The following CCT4 variants were observed in gnomAD, a reference collection of about 807,000 sequenced individuals.
The protein encoded by CCT4 is chaperonin containing TCP1 subunit 4.
Under a neutral mutation model 62.5 loss-of-function variants are expected in CCT4, and 17 were observed. That is an observed-to-expected ratio of 0.27 (90% confidence interval 0.19 to 0.41). The LOEUF is 0.41. Ranked by LOEUF, CCT4 falls within the 10% of genes least tolerant of loss-of-function variation. The pLI, the probability that CCT4 is intolerant of heterozygous loss-of-function variation, is 1.00. For synonymous variants in CCT4, 250 were observed against 229.9 expected, an observed-to-expected ratio of 1.09 and a Z score of -0.79; for missense variants, 592 against 659.2, an observed-to-expected ratio of 0.90 and a Z score of 1.12.
intron 13 of CCT4, 46 bp downstream of exon 13, chr2:61,869,394 T>C (rs1248846164): frequency 6.0e-6 from 6 of 1,001,576 alleles, no homozygotes; most frequent in South Asian, 2.6e-5. Context: ...AAAAAATATA[T>C]GCCTTTTTGA....
At chr2:61,878,839 T>G (rs574640277) in intron 5 of CCT4, 30 bp downstream of exon 5, 2 of 1,548,444 alleles carry the variant, frequency 1.3e-6, no homozygotes, top group Non-Finnish European at 1.8e-6. Context: ...TTTAACTAAT[T>G]TGACAAGTAT....
intron 12 of CCT4, among the ~76,000 whole-genome samples, chr2:61,870,924 AAAACAAAC>A (rs547825366): frequency 2.0e-5 from 3 of 151,900 alleles, no homozygotes; most frequent in South Asian, 2.1e-4. Flanking sequence ...CTCCAAAGAA[AAAACAAAC>A]AAACAAACAA....
At chr2:61,869,968 T>C (rs1668850702) in intron 12 of CCT4, among the ~76,000 whole-genome samples, 1 of 149,588 alleles carries the variant, frequency 6.7e-6, no homozygotes, top group South Asian at 2.1e-4. Context: ...AGCAAAATGA[T>C]CACAGTAGTT....
chr2:61,883,845 G>A (rs902318410), intron 2 of CCT4, among the ~76,000 whole-genome samples: 1 of 150,532 alleles, frequency 6.6e-6, no homozygotes, highest in Non-Finnish European at 1.5e-5. Flanking sequence ...AGAAGCACTT[G>A]CTATCTTTAA....
chr2:61,875,965 TAA>T, intron 8 of CCT4, 128 bp downstream of exon 8: 1 of 566,558 alleles, frequency 1.8e-6, no homozygotes, highest in Non-Finnish European at 3.1e-6. Context: ...TCGTTTCACC[TAA>T]GAGTTGTCTG....
In CCT4 at chr2:61,872,153, T is replaced by C; in HGVS notation, c.1420A>G (p.Ile474Val). The change falls in exon 12 of 14, where the codon ATT becomes GTT. Residue 474 changes from isoleucine (I) to valine (V), a missense_variant. Transcript: ENST00000394440. Reference sequence around the variant, plus strand: ...TTTCTTAGTTCTGTTACTGTAGAAATGGGATTCAGGCCGGCATTTTCAGCT... The same window carrying C: ...TTTCTTAGTTCTGTTACTGTAGAAACGGGATTCAGGCCGGCATTTTCAGCT... ...TLAENAGLNPISTVTELRNRH... is the reference protein window; with the variant it reads ...TLAENAGLNPVSTVTELRNRH... 1 of 1,614,056 alleles carries C rather than the reference T, an allele frequency of 6.2e-7. No homozygotes were observed. The highest frequency in any genetic ancestry group is 8.5e-7 in the Non-Finnish European group (1 of 1,179,992).
chr2:61,881,710 T>C (rs895217081), intron 3 of CCT4, among the ~76,000 whole-genome samples: 5 of 152,184 alleles, frequency 3.3e-5, no homozygotes, highest in African/African-American at 7.2e-5. Context: ...TTTCATGTAA[T>C]GTTTCATTAG....
intron 3 of CCT4, among the ~76,000 whole-genome samples, chr2:61,881,400 G>A (rs1208677442): frequency 1.3e-5 from 2 of 152,006 alleles, no homozygotes; most frequent in East Asian, 3.9e-4. Context: ...GGGATTACAG[G>A]CACGAGCCAC....
intron 12 of CCT4, among the ~76,000 whole-genome samples, chr2:61,870,481 A>C (rs184811867): frequency 9.1e-4 from 139 of 152,168 alleles, no homozygotes; most frequent in Admixed American, 1.5e-3. Flanking sequence ...TCCCTTCTTA[A>C]AATATTCCTG....
chr2:61,870,856 T>G (rs1052721117), intron 12 of CCT4, among the ~76,000 whole-genome samples: 2 of 149,174 alleles, frequency 1.3e-5, no homozygotes, highest in East Asian at 2.0e-4. Context: ...GAGGAGGAGG[T>G]TGCAGTGAGC....
intron 12 of CCT4, 147 bp from the exon 13 acceptor site, chr2:61,869,700 C>G (rs974168172): frequency 1.7e-6 from 1 of 593,956 alleles, no homozygotes; most frequent in Non-Finnish European, 3.1e-6. Context: ...AAGCTTTTCT[C>G]TACACTGTGG....
At position 61,883,474 on chromosome 2, in the gene CCT4, A is replaced by C. The variant is rs780810578; in HGVS notation, c.255T>G (p.His85Gln). ...TTACACTTACCATTCTGGCTGCTGG[A>C]TGTAATACTTGCATTTGTTTCAGAA... ...ATILKQMQVL[H>Q]PAARMLVELS... The change falls in exon 3 of 14, where the codon CAT becomes CAG. Residue 85 changes from histidine (H) to glutamine (Q), a missense_variant. This residue lies in a region of CCT4 where 522 missense variants were observed against 571.2 expected (regional missense o/e 0.91). Transcript: ENST00000394440. 6.5e-7 allele frequency: 1 copy of C among 1,541,898 alleles called. No homozygotes were observed. Among genetic ancestry groups the C allele is most frequent in the Non-Finnish European group, 8.9e-7 (1 of 1,123,342 alleles).
intron 8 of CCT4, among the ~76,000 whole-genome samples, chr2:61,874,683 G>A (rs1668960345): frequency 6.6e-6 from 1 of 151,922 alleles, no homozygotes; most frequent in African/African-American, 2.4e-5. Flanking sequence ...GGACTATGCA[G>A]AGCATTCCCC....
chr2:61,888,529 G>C lies in CCT4; in HGVS notation c.-22C>G, dbSNP rs1669316915. On this transcript the variant is annotated 5_prime_UTR_variant, in exon 1 of 14. Coordinates refer to ENST00000394440, the MANE Select transcript of CCT4 (RefSeq NM_006430.4). ...GCATGGCAAACTCCGCTGTGTCTGG[G>C]TTGGCTCGGGAAGGACGGATGGACC... is the stretch of plus-strand genomic sequence containing the variant. 1 of 1,606,572 alleles carries C rather than the reference G, an allele frequency of 6.2e-7. No homozygotes were observed. The highest frequency in any genetic ancestry group is 1.1e-5 in the South Asian group (1 of 90,676).
At chr2:61,870,617 C>CTT (rs1383994460) in intron 12 of CCT4, among the ~76,000 whole-genome samples, 1 of 152,102 alleles carries the variant, frequency 6.6e-6, no homozygotes, top group Non-Finnish European at 1.5e-5. Flanking sequence ...TCCTTAGCCT[C>CTT]TTGCTTAAAA....
In CCT4 at chr2:61,878,997, T is replaced by C. The variant is rs375148023; in HGVS notation, c.394A>G (p.Ile132Val). 6.2e-6 allele frequency: 10 copies of C among 1,604,246 alleles called. No individual in the cohort carries two copies. In the African/African-American group the frequency reaches 9.4e-5, roughly 15 times the overall value. Residue 132 changes from isoleucine to valine, a missense_variant, in exon 5 of 14, where the codon ATC (isoleucine) becomes GTC (valine). Physicochemically the swap from Ile to Val is conservative, Grantham distance 29. Transcript: ENST00000394440. ...GCCTTCTGGAATGACTCAGAAATGA[T>C]GGTTGGATGAATCCCTGTAATTTGT... ...KLLQKGIHPT[I>V]ISESFQKALE... is the part of the protein sequence containing the mutation.
chr2:61,880,850 T>C (rs992824010), intron 3 of CCT4, among the ~76,000 whole-genome samples: 5 of 151,824 alleles, frequency 3.3e-5, no homozygotes, highest in Non-Finnish European at 7.4e-5. Context: ...GGGCTATAGG[T>C]GCACACTAAC....
intron 8 of CCT4, 34 bp downstream of exon 8, chr2:61,876,061 C>T (rs1161619794): frequency 6.9e-7 from 1 of 1,443,660 alleles, no homozygotes; most frequent in East Asian, 2.3e-5. Context: ...CCAAAATTAT[C>T]ATTAAGGGAT....
chr2:61,877,129 A>T (rs1040844337), intron 6 of CCT4, 77 bp from the exon 7 acceptor site: 2 of 1,293,374 alleles, frequency 1.5e-6, no homozygotes, highest in Non-Finnish European at 2.2e-6. Flanking sequence ...AACAGATTAA[A>T]AGTCATCAGT....
Sources: gnomAD v4.1 joint callset for allele counts (sites outside exome capture counted in the v4.1 genomes callset) on GRCh38, gnomAD v4.1.1 for gene constraint, gnomAD v4.1.1 regional missense constraint, MANE v1.5 for transcripts, NCBI Gene and HGNC (gene_info 2026-07-23, HGNC 2026-07-21) for gene names.